The following PRKCE variants were observed in gnomAD, a reference collection of about 807,000 sequenced individuals.
PRKCE encodes the protein protein kinase C epsilon, also known as protein kinase C epsilon type.
In PRKCE, 16 loss-of-function variants were observed where a neutral mutation model predicts 85.4. The observed-to-expected ratio is 0.19, with a 90% CI of 0.13 to 0.28. The LOEUF (loss-of-function observed/expected upper bound fraction) is 0.28, where lower values mean the gene tolerates loss of function less well. Among genes scored for constraint, PRKCE ranks in the 10% least tolerant of loss-of-function variants. The pLI, the probability that PRKCE is intolerant of heterozygous loss-of-function variation, is 1.00. For missense variants in PRKCE, 573 were observed against 975.2 expected (o/e 0.59, Z 5.49); for synonymous variants, 388 against 371.5 (o/e 1.04, Z -0.51).
intron 1 of PRKCE, among the ~76,000 whole-genome samples, chr2:45,739,113 G>A (rs901849594): frequency 6.6e-6 from 1 of 152,190 alleles, no homozygotes; most frequent in Non-Finnish European, 1.5e-5. Flanking sequence ...GGCACAAATG[G>A]CCACCAGCCT....
chr2:45,776,926 G>A (rs1685796645), intron 1 of PRKCE, among the ~76,000 whole-genome samples: 1 of 152,120 alleles, frequency 6.6e-6, no homozygotes, highest in South Asian at 2.1e-4. Flanking sequence ...GCCTTAATAT[G>A]AAAGTTATCA....
intron 6 of PRKCE, among the ~76,000 whole-genome samples, chr2:45,986,230 G>T (rs1703312374): frequency 6.6e-6 from 1 of 152,246 alleles, no homozygotes; most frequent in African/African-American, 2.4e-5. Flanking sequence ...ACAACAAGGA[G>T]GTCACTAGGA....
Position 45,910,211 on chromosome 2 carries a change from T to C in PRKCE, c.413-66218T>C, listed in dbSNP as rs566755765. 1.2e-4 allele frequency among the ~76,000 whole-genome samples: 19 copies of C among 152,346 alleles called. No individual in the cohort carries two copies. The East Asian group carries it at 3.5e-3, about 28-fold the overall frequency. ...AATTGCTGTTAAGAAAAACATCCCA[T>C]GTAACTGGAGCCTCACCTTAAGTGT... On this transcript the variant is annotated intron_variant, in intron 2 of 14. Coordinates refer to ENST00000306156, the MANE Select transcript of PRKCE (RefSeq NM_005400.3).
At chr2:46,135,858 G>A (rs1174179605) in intron 11 of PRKCE, among the ~76,000 whole-genome samples, 1 of 147,284 alleles carries the variant, frequency 6.8e-6, no homozygotes, top group African/African-American at 2.5e-5. Flanking sequence ...GAGAGTGATG[G>A]GAGGTGCCTA....
At chr2:45,891,815 T>C (rs1286408474) in intron 2 of PRKCE, among the ~76,000 whole-genome samples, 1 of 152,246 alleles carries the variant, frequency 6.6e-6, no homozygotes, top group Non-Finnish European at 1.5e-5. Flanking sequence ...CCTGTTGTTC[T>C]TGCTTTTCTA....
chr2:46,173,991 A>G (rs765450132), intron 14 of PRKCE, among the ~76,000 whole-genome samples: 12 of 152,248 alleles, frequency 7.9e-5, no homozygotes, highest in Admixed American at 2.6e-4. Flanking sequence ...TCCGTCAAAC[A>G]GCAGACCTGA....
At chr2:45,978,720 A>G (rs1232697930) in intron 3 of PRKCE, 3 of 441,626 alleles carry the variant, frequency 6.8e-6, no homozygotes, top group East Asian at 4.1e-5. Flanking sequence ...CCACACAGGA[A>G]TGGCTCTCTG....
intron 8 of PRKCE, 127 bp from the exon 9 acceptor site, chr2:46,007,335 C>T (rs1040539253): frequency 4.6e-6 from 4 of 878,842 alleles, no homozygotes; most frequent in Non-Finnish European, 7.0e-6. Context: ...GGATGTCACA[C>T]TGGATCTGTT....
At chr2:45,849,957 C>A (rs1172765490) in intron 2 of PRKCE, among the ~76,000 whole-genome samples, 1 of 152,164 alleles carries the variant, frequency 6.6e-6, no homozygotes, top group African/African-American at 2.4e-5. Context: ...ACAGTGAGCA[C>A]CAAGCCCCCA....
chr2:45,785,047 C>A (rs912551519), intron 1 of PRKCE, among the ~76,000 whole-genome samples: 2 of 152,212 alleles, frequency 1.3e-5, no homozygotes, highest in African/African-American at 4.8e-5. Context: ...TCATTACCAT[C>A]TCTCTAATAC....
At chr2:45,862,420 A>G (rs1371131768) in intron 2 of PRKCE, among the ~76,000 whole-genome samples, 1 of 151,566 alleles carries the variant, frequency 6.6e-6, no homozygotes. Context: ...TGGTCATACC[A>G]CCTAGTGGTG....
intron 14 of PRKCE, among the ~76,000 whole-genome samples, chr2:46,181,925 T>C (rs576212813): frequency 6.6e-6 from 1 of 152,320 alleles, no homozygotes; most frequent in South Asian, 2.1e-4. Flanking sequence ...AGGCATCTCC[T>C]GCCTACACGC....
chr2:46,082,174 G>C (rs574234547), intron 10 of PRKCE, among the ~76,000 whole-genome samples: 1 of 152,238 alleles, frequency 6.6e-6, no homozygotes, highest in East Asian at 1.9e-4. Flanking sequence ...TCTACCTGGA[G>C]CGTGACCAGC....
At chr2:45,770,110 G>A (rs1382052445) in intron 1 of PRKCE, among the ~76,000 whole-genome samples, 3 of 152,200 alleles carry the variant, frequency 2.0e-5, no homozygotes, top group Admixed American at 6.5e-5. Flanking sequence ...CCCCTCTCTT[G>A]GGTGGCTCCT....
At chr2:45,796,756 T>C (rs1687469278) in intron 1 of PRKCE, among the ~76,000 whole-genome samples, 2 of 152,160 alleles carry the variant, frequency 1.3e-5, no homozygotes, top group Admixed American at 1.3e-4. Flanking sequence ...CTTGCAGAGC[T>C]AGAAAAGACT....
chr2:46,105,615 C>T (rs1044649202), intron 11 of PRKCE, among the ~76,000 whole-genome samples: 1 of 152,106 alleles, frequency 6.6e-6, no homozygotes, highest in African/African-American at 2.4e-5. Flanking sequence ...GTGAATGGCA[C>T]TACAGTATTA....
chr2:46,090,955 A>T (rs756863415), intron 11 of PRKCE, among the ~76,000 whole-genome samples: 9 of 152,362 alleles, frequency 5.9e-5, no homozygotes, highest in South Asian at 2.1e-4. Flanking sequence ...TTCCTGTTGG[A>T]ATTGATATAC....
intron 2 of PRKCE, among the ~76,000 whole-genome samples, chr2:45,862,371 A>T (rs948754019): frequency 1.3e-5 from 2 of 152,106 alleles, no homozygotes; most frequent in African/African-American, 4.8e-5. Context: ...ATCCCTCTCC[A>T]GTGGAACTTG....
chr2:45,879,775 G>A (rs951924831), intron 2 of PRKCE, among the ~76,000 whole-genome samples: 2 of 152,178 alleles, frequency 1.3e-5, no homozygotes, highest in Non-Finnish European at 2.9e-5. Flanking sequence ...TTTCAATTAC[G>A]CATATTCATA....
Sources: gnomAD v4.1 joint callset for allele counts (sites outside exome capture counted in the v4.1 genomes callset) on GRCh38, gnomAD v4.1.1 for gene constraint, MANE v1.5 for transcripts, NCBI Gene and HGNC (gene_info 2026-07-23, HGNC 2026-07-21) for gene names.